Variants in CTNNA3 observed in about 807,000 individuals in gnomAD.
The protein encoded by CTNNA3 is catenin alpha-3.
CTNNA3 carries 76 observed loss-of-function variants against 95.7 expected under a neutral mutation model. That is an observed-to-expected ratio of 0.79 (90% CI 0.66 to 0.96). The LOEUF (loss-of-function observed/expected upper bound fraction) is 0.96. Ranked by LOEUF, CTNNA3 falls within the 40% of genes least tolerant of loss-of-function variation. The pLI is 0.00. For synonymous variants in CTNNA3, 431 were observed against 374.4 expected (o/e 1.15, Z -1.74); for missense variants, 1,191 against 1,089.8 (o/e 1.09, Z -1.31).
At chr10:66,119,819 G>A (rs72795305) in intron 13 of CTNNA3, among the ~76,000 whole-genome samples, 17,063 of 151,996 alleles carry the variant, frequency 0.11, 1,348 homozygotes, top group African/African-American at 0.22. Flanking sequence ...CCAATAAAGA[G>A]CCCATGTGGT....
At chr10:66,053,389 T>C (rs2080004729) in intron 15 of CTNNA3, among the ~76,000 whole-genome samples, 1 of 152,038 alleles carries the variant, frequency 6.6e-6, no homozygotes, top group African/African-American at 2.4e-5. Flanking sequence ...TGTGGGTACA[T>C]AGTAGATGTG....
intron 5 of CTNNA3, among the ~76,000 whole-genome samples, chr10:67,475,445 A>T (rs1847975259): frequency 6.6e-6 from 1 of 152,246 alleles, no homozygotes; most frequent in Non-Finnish European, 1.5e-5. Flanking sequence ...TCATAAAAAA[A>T]TTCCTACCTA....
chr10:66,264,929 G>T (rs1419668505), intron 13 of CTNNA3, among the ~76,000 whole-genome samples: 1 of 151,998 alleles, frequency 6.6e-6, no homozygotes, highest in African/African-American at 2.4e-5. Context: ...ACAATACTTA[G>T]CTGCTTTCTC....
chr10:65,956,975 GT>G (rs148716010), intron 17 of CTNNA3, among the ~76,000 whole-genome samples: 3,964 of 152,218 alleles, frequency 0.026, 156 homozygotes, highest in African/African-American at 0.09. Flanking sequence ...TGTGTCTAAT[GT>G]TGACAGTGGG....
At chr10:66,646,276 C>T (rs889408479) in intron 9 of CTNNA3, among the ~76,000 whole-genome samples, 5 of 152,024 alleles carry the variant, frequency 3.3e-5, no homozygotes, top group South Asian at 2.1e-4. Context: ...ACCATACATG[C>T]GGACGTGTGG....
intron 7 of CTNNA3, among the ~76,000 whole-genome samples, chr10:67,167,774 G>A (rs959875019): frequency 3.3e-5 from 5 of 152,140 alleles, no homozygotes; most frequent in African/African-American, 1.2e-4. Flanking sequence ...AGATATCCCT[G>A]ACCTAAGTAT....
chr10:66,513,946 G>A (rs993542251), intron 11 of CTNNA3, among the ~76,000 whole-genome samples: 1 of 151,884 alleles, frequency 6.6e-6, no homozygotes, highest in Non-Finnish European at 1.5e-5. Flanking sequence ...AACCTTCTGG[G>A]ATGGTGTCGG....
At chr10:66,341,970 T>C (rs140358958) in intron 12 of CTNNA3, among the ~76,000 whole-genome samples, 1 of 151,864 alleles carries the variant, frequency 6.6e-6, no homozygotes, top group Admixed American at 6.6e-5. Context: ...TGTATATATA[T>C]ATATATATTC....
intron 5 of CTNNA3, among the ~76,000 whole-genome samples, chr10:67,362,803 A>G (rs1308011149): frequency 6.6e-6 from 1 of 152,034 alleles, no homozygotes; most frequent in Admixed American, 6.6e-5. Flanking sequence ...ATAGAAAAAA[A>G]AAAAAATCAA....
At chr10:66,799,453 A>C (rs1024066530) in intron 7 of CTNNA3, among the ~76,000 whole-genome samples, 1 of 151,654 alleles carries the variant, frequency 6.6e-6, no homozygotes, top group African/African-American at 2.4e-5. Context: ...TGAAAAATAG[A>C]ATATCTGAAG....
chr10:67,305,153 G>C (rs532812252), intron 5 of CTNNA3, among the ~76,000 whole-genome samples: 1 of 151,980 alleles, frequency 6.6e-6, no homozygotes, highest in African/African-American at 2.4e-5. Flanking sequence ...GGGGGCGCCC[G>C]TAGTCCCAGC....
intron 15 of CTNNA3, among the ~76,000 whole-genome samples, chr10:66,055,562 T>G (rs1268093686): frequency 6.6e-6 from 1 of 152,182 alleles, no homozygotes; most frequent in Non-Finnish European, 1.5e-5. Flanking sequence ...ATACATTAAT[T>G]TTGTAGCCTG....
intron 1 of CTNNA3, among the ~76,000 whole-genome samples, chr10:67,684,175 C>T (rs536294193): frequency 3.5e-4 from 54 of 152,256 alleles, no homozygotes; most frequent in East Asian, 9.7e-4. Flanking sequence ...CTGATTGGTC[C>T]GTTTTTACAG....
chr10:66,741,345 T>A (rs532171760), intron 9 of CTNNA3, among the ~76,000 whole-genome samples: 101 of 152,158 alleles, frequency 6.6e-4, no homozygotes, highest in African/African-American at 2.3e-3. Context: ...TAAGTCAAAA[T>A]ACAAAGTCTA....
intron 11 of CTNNA3, among the ~76,000 whole-genome samples, chr10:66,431,711 C>G (rs1011943188): frequency 4.0e-4 from 54 of 134,804 alleles, no homozygotes; most frequent in Non-Finnish European, 6.4e-4. Context: ...AACACTTGGA[C>G]ACAGGAAGGG....
At chr10:66,588,146 C>A (rs1007262636) in intron 10 of CTNNA3, among the ~76,000 whole-genome samples, 5 of 152,020 alleles carry the variant, frequency 3.3e-5, no homozygotes, top group Admixed American at 6.6e-5. Flanking sequence ...CCCCATCACT[C>A]GCTAAATCAG....
intron 11 of CTNNA3, among the ~76,000 whole-genome samples, chr10:66,448,278 A>G (rs2093437757): frequency 6.6e-6 from 1 of 152,228 alleles, no homozygotes; most frequent in African/African-American, 2.4e-5. Flanking sequence ...GTGATTCCAC[A>G]GGGATCTAGA....
At chr10:67,579,963 C>G (rs1159520065) in intron 3 of CTNNA3, among the ~76,000 whole-genome samples, 1 of 152,172 alleles carries the variant, frequency 6.6e-6, no homozygotes, top group African/African-American at 2.4e-5. Flanking sequence ...AGCCCTTTGT[C>G]AGATGGGTAG....
chr10:66,309,707 A>G (rs1452943103), intron 12 of CTNNA3, among the ~76,000 whole-genome samples: 1 of 147,204 alleles, frequency 6.8e-6, no homozygotes, highest in Non-Finnish European at 1.5e-5. Flanking sequence ...AAAAAAAAAA[A>G]AAAAAGGGTT....
Sources: gnomAD v4.1 joint callset for allele counts (sites outside exome capture counted in the v4.1 genomes callset) on GRCh38, gnomAD v4.1.1 for gene constraint, MANE v1.5 for transcripts, NCBI Gene and HGNC (gene_info 2026-07-23, HGNC 2026-07-21) for gene names.